The following ANXA7 variants were observed in gnomAD, a reference collection of about 807,000 sequenced individuals.
ANXA7 encodes the protein annexin A7, also known as annexin VII.
Under a neutral mutation model 64.9 loss-of-function variants are expected in ANXA7, and 55 were observed. That is an observed-to-expected ratio of 0.85 (90% CI 0.68 to 1.06). ANXA7 has a LOEUF of 1.06. Ranked by LOEUF, ANXA7 falls within the 50% of genes least tolerant of loss-of-function variation. The pLI is 0.00. For synonymous variants in ANXA7, 200 were observed against 192.4 expected, an observed-to-expected ratio of 1.04 and a Z score of -0.33; for missense variants, 548 against 582.1, an observed-to-expected ratio of 0.94 and a Z score of 0.60.
At chr10:73,387,821 C>T (rs16930547) in intron 6 of ANXA7, 38 bp from the exon 7 acceptor site, 120,011 of 1,079,560 alleles carry the variant, frequency 0.11, 7,875 homozygotes, top group East Asian at 0.3. Context: ...GGACAAAGTA[C>T]ATGCTAGGTG....
At chr10:73,411,979 G>T (rs2055849586) in intron 1 of ANXA7, among the ~76,000 whole-genome samples, 2 of 152,184 alleles carry the variant, frequency 1.3e-5, no homozygotes, top group South Asian at 4.1e-4. Context: ...CAAGGAAGTA[G>T]AAAACAGTGA....
rs181010481 is a variant in ANXA7, at chr10:73,389,579, T to A, written c.436-1165A>T. ...CTAAAATTATGTCAAAATTAAAAGA[T>A]AAAACAATTTAAAATACAAAGCTAT... On this transcript the variant is annotated intron_variant, in intron 5 of 12. Coordinates refer to ENST00000372921, the MANE Select transcript of ANXA7 (RefSeq NM_001156.5). Among the ~76,000 whole-genome samples, 5 of 152,360 alleles carry A rather than the reference T, an allele frequency of 3.3e-5. No individual in the cohort carries two copies. In the East Asian group the frequency reaches 9.6e-4, roughly 29 times the overall value.
intron 2 of ANXA7, among the ~76,000 whole-genome samples, chr10:73,400,533 G>A (rs1043229139): frequency 4.6e-5 from 7 of 152,152 alleles, no homozygotes; most frequent in Admixed American, 1.3e-4. Context: ...CCAAGTTTCT[G>A]GCTTTACTTG....
chr10:73,385,867 G>A (rs1015791658), intron 7 of ANXA7, among the ~76,000 whole-genome samples: 4 of 152,174 alleles, frequency 2.6e-5, no homozygotes, highest in African/African-American at 9.6e-5. Context: ...CCCATTCTGA[G>A]AAATATAAAC....
At chr10:73,388,691 C>T (rs777896964) in intron 5 of ANXA7, among the ~76,000 whole-genome samples, 25 of 152,126 alleles carry the variant, frequency 1.6e-4, no homozygotes, top group Non-Finnish European at 2.9e-4. Flanking sequence ...CACAATCTTA[C>T]TATAGTTTCC....
chr10:73,409,697 C>T (rs1287138855), intron 1 of ANXA7, among the ~76,000 whole-genome samples: 3 of 152,146 alleles, frequency 2.0e-5, no homozygotes, highest in Non-Finnish European at 2.9e-5. Context: ...AAAAAACAGC[C>T]TGAATAGCCA....
At chr10:73,384,278 G>C (rs1296211164) in intron 7 of ANXA7, among the ~76,000 whole-genome samples, 1 of 151,772 alleles carries the variant, frequency 6.6e-6, no homozygotes, top group Non-Finnish European at 1.5e-5. Context: ...CAAAAACAAG[G>C]GATATATGAA....
Position 73,378,961 on chromosome 10 carries a change from CA to C in ANXA7, c.1227del (p.Ala410LeufsTer23). On this transcript the variant is annotated frameshift_variant, in exon 12 of 13. Transcript: ENST00000372921. LOFTEE classifies it high-confidence loss of function. Reference protein sequence around the residue: ...FAERLYYAMKGAGTDDSTLVR... With the variant: ...FAERLYYAMKXAGTDDSTLVR... ...ACCAGGGTGGAGTCATCTGTGCCAG[CA>C]CCTTTCATAGCATAGTAGAGCCTCT... The C allele has an allele frequency of 1.2e-6, 2 of 1,613,800 alleles. No homozygotes were observed. Among genetic ancestry groups the C allele is most frequent in the Non-Finnish European group, 1.7e-6 (2 of 1,179,852 alleles).
chr10:73,400,105 T>C (rs1228752160), intron 2 of ANXA7, among the ~76,000 whole-genome samples: 1 of 152,064 alleles, frequency 6.6e-6, no homozygotes, highest in Non-Finnish European at 1.5e-5. Context: ...ATCACACCAC[T>C]GCACTCCAGC....
In ANXA7 at chr10:73,383,454, G is replaced by T. The variant is rs1017307780; in HGVS notation, c.748-109C>A. 5.0e-5 allele frequency: 63 copies of T among 1,259,284 alleles called. 2 individuals carry two copies. In the Admixed American group the frequency reaches 1.4e-3, roughly 29 times the overall value. The allele number at this position is 1,259,284 out of a possible 1,614,324, so 78.0% of individuals were successfully genotyped here. A position where few individuals can be genotyped will look rare whatever the true frequency, so the allele number is the denominator to read the frequency against. ...TGTAGAACTAAAAACTATATATTCA[G>T]ATGGATGATGTGAAATAAAGAATTG... On this transcript the variant is annotated intron_variant, in intron 8 of 12. Transcript: ENST00000372921.
intron 7 of ANXA7, among the ~76,000 whole-genome samples, chr10:73,386,629 CAT>C (rs1200563038): frequency 5.9e-5 from 9 of 151,998 alleles, no homozygotes; most frequent in Admixed American, 5.9e-4. Flanking sequence ...AACACAGAAG[CAT>C]AAAAGATCAT....
rs1360213714 is a variant in ANXA7, at chr10:73,379,872, A to G, written c.1165+7T>C. ...AGAAAATAAAGCAAAGCACAAAAAT[A>G]TCTTACAGATGGTCTTCAAACCACT... On this transcript the variant is annotated splice_region_variant and intron_variant, in intron 11 of 12. Coordinates refer to ENST00000372921, the MANE Select transcript of ANXA7 (RefSeq NM_001156.5). 3 of 1,613,372 alleles carry G rather than the reference A, an allele frequency of 1.9e-6. No homozygotes were observed. The highest frequency in any genetic ancestry group is 1.6e-4 in the Middle Eastern group (1 of 6,082).
chr10:73,380,264 C>T (rs2055255322), intron 9 of ANXA7, 63 bp from the exon 10 acceptor site: 1 of 1,466,536 alleles, frequency 6.8e-7, no homozygotes, highest in Non-Finnish European at 9.3e-7. Context: ...TTTTTTTTTT[C>T]CAATCTAGTT....
At chr10:73,411,962 G>C (rs1435964357) in intron 1 of ANXA7, among the ~76,000 whole-genome samples, 2 of 152,076 alleles carry the variant, frequency 1.3e-5, no homozygotes, top group Non-Finnish European at 2.9e-5. Context: ...ATCCCTGAAA[G>C]GACACTCAAG....
At position 73,383,611 on chromosome 10, in the gene ANXA7, T is replaced by C. The variant is rs947658264; in HGVS notation, c.713A>G (p.Tyr238Cys). 1 of 1,613,602 alleles carries C rather than the reference T, an allele frequency of 6.2e-7. No homozygotes were observed. The highest frequency in any genetic ancestry group is 8.5e-7 in the Non-Finnish European group (1 of 1,179,608). ...TTTCCGTAAGCTCCAGGCATCGTAA[T>C]ACGTAGGAGGCATGAAGAGGGCCAG... ...LILALFMPPT[Y>C]YDAWSLRKAM... Residue 238 changes from tyrosine to cysteine, a missense_variant, in exon 8 of 13, where the codon TAT becomes TGT. Transcript: ENST00000372921.
chr10:73,406,515 T>C (rs567534265), intron 1 of ANXA7, among the ~76,000 whole-genome samples: 201 of 152,342 alleles, frequency 1.3e-3, no homozygotes, highest in African/African-American at 4.6e-3. Flanking sequence ...GAGTATCAAA[T>C]GAAAATTAAT....
At chr10:73,379,317 C>T (rs1190856987) in intron 11 of ANXA7, among the ~76,000 whole-genome samples, 1 of 152,182 alleles carries the variant, frequency 6.6e-6, no homozygotes, top group African/African-American at 2.4e-5. Context: ...GTGTGAGCTA[C>T]TGCCCCTGGC....
At chr10:73,385,539 CA>C (rs2055353546) in intron 7 of ANXA7, among the ~76,000 whole-genome samples, 1 of 152,032 alleles carries the variant, frequency 6.6e-6, no homozygotes, top group Non-Finnish European at 1.5e-5. Context: ...AAAAGAAAAA[CA>C]TGGACTCAAA....
chr10:73,395,725 G>A (rs969726252), intron 5 of ANXA7: 2 of 412,656 alleles, frequency 4.8e-6, no homozygotes, highest in Non-Finnish European at 9.1e-6. Context: ...GGTGGAGGGT[G>A]CAGTGAGCCG....
Sources: allele counts gnomAD v4.1 joint callset (sites outside exome capture counted in the v4.1 genomes callset), GRCh38; gene constraint gnomAD v4.1.1; transcripts MANE v1.5; gene names NCBI Gene and HGNC (gene_info 2026-07-23, HGNC 2026-07-21).